LYPLAL1: variants seen among roughly 807,000 people sequenced by gnomAD.
LYPLAL1 encodes lysophospholipase like 1.
A neutral mutation model predicts 19.7 loss-of-function variants in LYPLAL1; 23 were observed. The ratio of observed to expected loss-of-function variants is 1.17; its 90% CI spans 0.84 to 1.65. LYPLAL1 has a LOEUF of 1.65. LYPLAL1 is among the 40% of genes most tolerant of loss of function. The pLI is 0.00. For missense variants in LYPLAL1, 355 were observed against 279.4 expected (o/e 1.27, Z -1.93); for synonymous variants, 119 against 96.3 (o/e 1.24, Z -1.38).
the LYPLAL1 span, among the ~76,000 whole-genome samples, chr1:219,362,724 G>A: frequency 2.6e-5 from 4 of 152,074 alleles, no homozygotes; most frequent in African/African-American, 7.2e-5. Flanking sequence ...AGTGTAAGAC[G>A]TTTGCAGTCC....
chr1:219,349,116 C>G, the LYPLAL1 span, among the ~76,000 whole-genome samples: 1 of 152,166 alleles, frequency 6.6e-6, no homozygotes, highest in Non-Finnish European at 1.5e-5. Context: ...AAGGTGAAAA[C>G]AGGTCTGCTG....
the LYPLAL1 span, among the ~76,000 whole-genome samples, chr1:219,317,293 T>C: frequency 5.9e-5 from 9 of 152,206 alleles, no homozygotes; most frequent in Non-Finnish European, 1.3e-4. Flanking sequence ...TGGTGTCTCA[T>C]CTTTCACTAT....
the LYPLAL1 span, among the ~76,000 whole-genome samples, chr1:219,227,065 A>G: frequency 6.6e-6 from 1 of 152,210 alleles, no homozygotes; most frequent in African/African-American, 2.4e-5. Context: ...GTTTGTTTGA[A>G]CTTGTTCACA....
chr1:219,348,146 C>T, the LYPLAL1 span, among the ~76,000 whole-genome samples: 27 of 152,160 alleles, frequency 1.8e-4, no homozygotes, highest in South Asian at 1.0e-3. Context: ...ATAAAACAAA[C>T]GCAGCTCTGC....
chr1:219,434,385 G>T, the LYPLAL1 span, among the ~76,000 whole-genome samples: 4 of 152,100 alleles, frequency 2.6e-5, no homozygotes, highest in South Asian at 2.1e-4. Flanking sequence ...CCCATAAAAG[G>T]CCTGGAGCTT....
the LYPLAL1 span, among the ~76,000 whole-genome samples, chr1:219,412,224 C>T: frequency 6.6e-6 from 1 of 152,074 alleles, no homozygotes; most frequent in African/African-American, 2.4e-5. Context: ...GACTCAATCT[C>T]ACTGTGTTGC....
the LYPLAL1 span, among the ~76,000 whole-genome samples, chr1:219,311,046 T>A: frequency 6.6e-6 from 1 of 152,220 alleles, no homozygotes; most frequent in Non-Finnish European, 1.5e-5. Context: ...ATCATTTTGG[T>A]TTATCCATTC....
At chr1:219,236,112 A>C in the LYPLAL1 span, among the ~76,000 whole-genome samples, 2 of 152,224 alleles carry the variant, frequency 1.3e-5, no homozygotes. Context: ...TGTTCACTAC[A>C]TGGGTCCCAT....
chr1:219,269,654 G>A, the LYPLAL1 span, among the ~76,000 whole-genome samples: 3 of 151,990 alleles, frequency 2.0e-5, no homozygotes, highest in Non-Finnish European at 2.9e-5. Flanking sequence ...AAATACATCA[G>A]TCTAATGGAC....
chr1:219,418,493 T>G, the LYPLAL1 span, among the ~76,000 whole-genome samples: 11 of 152,194 alleles, frequency 7.2e-5, no homozygotes, highest in Non-Finnish European at 1.3e-4. Context: ...AGACTATTTT[T>G]TAGAGCAGTG....
the LYPLAL1 span, among the ~76,000 whole-genome samples, chr1:219,359,784 C>A: frequency 1.1e-4 from 17 of 152,284 alleles, no homozygotes; most frequent in African/African-American, 3.8e-4. Flanking sequence ...CACCTGGAAT[C>A]AAAACCATCA....
At chr1:219,390,935 CTTTTCAATCTCTA>C in the LYPLAL1 span, among the ~76,000 whole-genome samples, 1 of 152,074 alleles carries the variant, frequency 6.6e-6, no homozygotes, top group Admixed American at 6.6e-5. Context: ...TGTATCACCC[CTTTTCAATCTCTA>C]CAGTTCTTGT....
chr1:219,427,616 C>T, the LYPLAL1 span, among the ~76,000 whole-genome samples: 2 of 152,282 alleles, frequency 1.3e-5, no homozygotes. Flanking sequence ...GTGAAACTGC[C>T]AGTGTTAGAG....
the LYPLAL1 span, among the ~76,000 whole-genome samples, chr1:219,275,661 C>A: frequency 6.6e-6 from 1 of 151,900 alleles, no homozygotes; most frequent in East Asian, 1.9e-4. Flanking sequence ...TTAAGGTGAT[C>A]TATAGGCAAA....
At chr1:219,405,944 G>A in the LYPLAL1 span, among the ~76,000 whole-genome samples, 1 of 152,322 alleles carries the variant, frequency 6.6e-6, no homozygotes, top group South Asian at 2.1e-4. Context: ...ACTGGGTTGA[G>A]CAGCTGAAAG....
the LYPLAL1 span, chr1:219,442,751 A>G: frequency 6.6e-6 from 1 of 152,166 alleles, no homozygotes; most frequent in East Asian, 1.9e-4. Context: ...CATAAAAGTG[A>G]CCACAGCTGA....
chr1:219,253,594 A>T, the LYPLAL1 span, among the ~76,000 whole-genome samples: 19 of 143,948 alleles, frequency 1.3e-4, 1 homozygote, highest in Admixed American at 1.1e-3. Context: ...TTTTTTAGTG[A>T]TTTTCATAGT....
At chr1:219,241,134 C>CTCTCTCTCTCTATATATATATA in the LYPLAL1 span, among the ~76,000 whole-genome samples, 54 of 44,336 alleles carry the variant, frequency 1.2e-3, no homozygotes, top group Non-Finnish European at 2.0e-3. Context: ...CTCTCTCTCT[C>CTCTCTCTCTCTATATATATATA]TATATATATA....
the LYPLAL1 span, among the ~76,000 whole-genome samples, chr1:219,362,951 C>CAA: frequency 1.4e-5 from 2 of 141,690 alleles, no homozygotes; most frequent in African/African-American, 5.2e-5. Flanking sequence ...TGGATGAATG[C>CAA]AAAAAAAAAA....
Sources: gnomAD v4.1 joint callset for allele counts (sites outside exome capture counted in the v4.1 genomes callset) on GRCh38, gnomAD v4.1.1 for gene constraint, MANE v1.5 for transcripts, NCBI Gene and HGNC (gene_info 2026-07-23, HGNC 2026-07-21) for gene names.